The following ABI3BP variants were observed in gnomAD, a reference collection of about 807,000 sequenced individuals.
ABI3BP encodes the protein ABI family member 3 binding protein.
ABI3BP carries 216 observed loss-of-function variants against 268.6 expected under a neutral mutation model. The ratio of observed to expected loss-of-function variants is 0.80; its 90% CI spans 0.72 to 0.90. The LOEUF (loss-of-function observed/expected upper bound fraction) is 0.90. Among genes scored for constraint, ABI3BP ranks in the 40% least tolerant of loss-of-function variants. The pLI, the probability that ABI3BP is intolerant of heterozygous loss-of-function variation, is 0.00. For synonymous variants in ABI3BP, 730 were observed against 730.0 expected (o/e 1.00, Z 0.00); for missense variants, 2,090 against 2,182.4 (o/e 0.96, Z 0.84).
intron 1 of ABI3BP, among the ~76,000 whole-genome samples, chr3:100,954,901 G>T (rs1364636273): frequency 6.7e-6 from 1 of 149,058 alleles, no homozygotes; most frequent in Non-Finnish European, 1.5e-5. Flanking sequence ...TAATTATCAA[G>T]AAATAGCATG....
At chr3:100,831,867 G>A (rs1017918423) in intron 31 of ABI3BP, among the ~76,000 whole-genome samples, 2 of 152,186 alleles carry the variant, frequency 1.3e-5, no homozygotes, top group African/African-American at 4.8e-5. Flanking sequence ...AACTGGTTAT[G>A]CAGGAACAGC....
At chr3:100,979,215 TGA>T (rs2087914155) in intron 1 of ABI3BP, among the ~76,000 whole-genome samples, 1 of 152,138 alleles carries the variant, frequency 6.6e-6, no homozygotes, top group African/African-American at 2.4e-5. Context: ...ATACTGAGAG[TGA>T]GAGTCATTAT....
rs760156604 is a variant in ABI3BP at position 100,894,965 on chromosome 3, A to AAAAAAAAAAAAAAAAAAAAAAC, written c.461+3796_461+3797insGTTTTTTTTTTTTTTTTTTTTT. The stretch of plus-strand genomic sequence containing the variant: ...AAAAAAAAAAAAAAAAAAAAAAAAA[A>AAAAAAAAAAAAAAAAAAAAAAC]AACAGAAAAAAAAAACACAAGATGA... On this transcript the variant is annotated intron_variant, in intron 4 of 67. Coordinates refer to ENST00000471714, the MANE Select transcript of ABI3BP (RefSeq NM_001375547.2). 8.3e-4 allele frequency among the ~76,000 whole-genome samples: 100 copies of AAAAAAAAAAAAAAAAAAAAAAC among 120,834 alleles called. 8 individuals are homozygous for AAAAAAAAAAAAAAAAAAAAAAC. The highest frequency in any genetic ancestry group is 1.3e-3 in the Non-Finnish European group (66 of 51,352). The allele number at this position is 120,834 out of a possible 152,430, so 79.3% of individuals were successfully genotyped here.
chr3:100,793,356 C>G (rs2097254247), intron 54 of ABI3BP, among the ~76,000 whole-genome samples: 1 of 151,942 alleles, frequency 6.6e-6, no homozygotes, highest in South Asian at 2.1e-4. Context: ...ACACTGTTCA[C>G]TTTGCCCATA....
chr3:100,808,338 A>C, intron 49 of ABI3BP, 103 bp from the exon 50 acceptor site: 1 of 745,672 alleles, frequency 1.3e-6, no homozygotes, highest in Non-Finnish European at 2.1e-6. Context: ...TGAAGACCTA[A>C]ATACTCAACA....
chr3:100,770,694 C>A (rs1262843044), intron 62 of ABI3BP, 49 bp downstream of exon 62: 2 of 1,393,580 alleles, frequency 1.4e-6, no homozygotes, highest in African/African-American at 1.5e-5. Flanking sequence ...CCCAGGGTAT[C>A]TTGTTATCAA....
At chr3:100,839,463 G>T in intron 24 of ABI3BP, 106 bp downstream of exon 24, 2 of 1,193,584 alleles carry the variant, frequency 1.7e-6, no homozygotes, top group South Asian at 2.6e-5. Context: ...AGCGTGGGAT[G>T]AAACTGTGAT....
At position 100,866,949 on chromosome 3, in the gene ABI3BP, A is replaced by C. The variant is rs2099056490; in HGVS notation, c.918T>G (p.Asn306Lys). 1.2e-6 allele frequency: 2 copies of C among 1,613,730 alleles called. No homozygotes were observed. Among genetic ancestry groups the C allele is most frequent in the Non-Finnish European group, 1.7e-6 (2 of 1,179,738 alleles). Residue 306 changes from asparagine to lysine, a missense_variant, in exon 10 of 68, where the codon AAT becomes AAG. Coordinates refer to ENST00000471714, the MANE Select transcript of ABI3BP (RefSeq NM_001375547.2). ...ATTCGGCAGGTAATGCCAAGGTTTC[A>C]TTCTTAGCTAAAAAGTCAGAGAACA... ...SDALKTQLAK[N>K]ETLALPAESK...
In ABI3BP at chr3:100,787,944, C is replaced by T. The variant is rs550887187; in HGVS notation, c.4088-142G>A. Reference sequence around the variant, plus strand: ...AAAATATTATTCAGAATATAGAAACCACAGTCTCGTATAAAAATAATAGAC... The same window carrying T: ...AAAATATTATTCAGAATATAGAAACTACAGTCTCGTATAAAAATAATAGAC... On this transcript the variant is annotated intron_variant, in intron 56 of 67. Coordinates refer to ENST00000471714, the MANE Select transcript of ABI3BP (RefSeq NM_001375547.2). 157 of 508,414 alleles carry T rather than the reference C, an allele frequency of 3.1e-4. 1 individual carries two copies. The highest frequency in any genetic ancestry group is 2.1e-3 in the African/African-American group (107 of 51,096). The allele number at this position is 508,414 out of a possible 1,614,324, so 31.5% of individuals were successfully genotyped here.
At chr3:100,845,580 G>A (rs2098756882) in intron 20 of ABI3BP, among the ~76,000 whole-genome samples, 1 of 152,108 alleles carries the variant, frequency 6.6e-6, no homozygotes, top group Non-Finnish European at 1.5e-5. Flanking sequence ...TAATGGAAAT[G>A]CAAGTTCAAA....
At position 100,985,401 on chromosome 3, in the gene ABI3BP, G is replaced by A. The variant is rs577799774; in HGVS notation, c.79+7905C>T. 5.3e-5 allele frequency among the ~76,000 whole-genome samples: 8 copies of A among 151,840 alleles called. No homozygotes were observed. In the East Asian group the frequency reaches 1.5e-3, roughly 29 times the overall value. On this transcript the variant is annotated intron_variant, in intron 1 of 67. Transcript: ENST00000471714. ...CCTGACCTCGTGATCCGCCCGCCTTGGCCTCCCAAAGTGCTGGGATTACAG... is the reference window on the plus strand; with the variant it reads ...CCTGACCTCGTGATCCGCCCGCCTTAGCCTCCCAAAGTGCTGGGATTACAG...
At chr3:100,980,408 T>C (rs2088761710) in intron 1 of ABI3BP, among the ~76,000 whole-genome samples, 1 of 152,180 alleles carries the variant, frequency 6.6e-6, no homozygotes, top group Non-Finnish European at 1.5e-5. Context: ...CAACATGGCA[T>C]GCACAGTGCA....
At chr3:100,826,909 T>G (rs1021929398) in intron 34 of ABI3BP, among the ~76,000 whole-genome samples, 1 of 152,148 alleles carries the variant, frequency 6.6e-6, no homozygotes, top group African/African-American at 2.4e-5. Flanking sequence ...CTTTCCACGG[T>G]GTCATCCAAA....
chr3:100,895,715 T>A (rs7646218), intron 4 of ABI3BP, among the ~76,000 whole-genome samples: 62,059 of 152,050 alleles, frequency 0.41, 13,537 homozygotes, highest in Non-Finnish European at 0.5. Context: ...ATTTTCAGAA[T>A]ATAACCATCA....
intron 45 of ABI3BP, among the ~76,000 whole-genome samples, chr3:100,813,081 A>G (rs2097904735): frequency 6.6e-6 from 1 of 152,104 alleles, no homozygotes; most frequent in Admixed American, 6.6e-5. Flanking sequence ...GGGTTTTGCC[A>G]TGTTGCCAAG....
At chr3:100,758,167 C>T (rs556242859) in intron 63 of ABI3BP, among the ~76,000 whole-genome samples, 12 of 152,148 alleles carry the variant, frequency 7.9e-5, no homozygotes, top group African/African-American at 2.2e-4. Flanking sequence ...ATCCAGGGGG[C>T]GTTAAAAACA....
intron 14 of ABI3BP, among the ~76,000 whole-genome samples, chr3:100,857,730 T>C (rs917889295): frequency 3.3e-5 from 5 of 152,254 alleles, no homozygotes; most frequent in Admixed American, 6.5e-5. Context: ...TGAATGAGCC[T>C]AATTTTTCCC....
intron 4 of ABI3BP, among the ~76,000 whole-genome samples, chr3:100,888,100 TGAAAG>T (rs1001591270): frequency 6.6e-6 from 1 of 152,066 alleles, no homozygotes; most frequent in Non-Finnish European, 1.5e-5. Context: ...CACAAACCAC[TGAAAG>T]GCTTGCCATC....
chr3:100,844,310 TA>T (rs1337283253), intron 20 of ABI3BP: 1 of 985,342 alleles, frequency 1.0e-6, no homozygotes, highest in Non-Finnish European at 1.2e-6. Flanking sequence ...GCTTAAAGAT[TA>T]AACCATGAAG....
Sources: allele counts gnomAD v4.1 joint callset (sites outside exome capture counted in the v4.1 genomes callset), GRCh38; gene constraint gnomAD v4.1.1; transcripts MANE v1.5; gene names NCBI Gene and HGNC (gene_info 2026-07-23, HGNC 2026-07-21).